The following MAP2 variants were observed in gnomAD, a reference collection of about 807,000 sequenced individuals.
MAP2 encodes microtubule-associated protein 2.
Under a neutral mutation model 137.6 loss-of-function variants are expected in MAP2, and 14 were observed. The ratio of observed to expected loss-of-function variants is 0.10; its 90% CI spans 0.07 to 0.16. The LOEUF is 0.16. Ranked by LOEUF, MAP2 falls within the 10% of genes least tolerant of loss-of-function variation. The pLI, the probability that MAP2 is intolerant of heterozygous loss-of-function variation, is 1.00. For synonymous variants in MAP2, 786 were observed against 782.3 expected, an observed-to-expected ratio of 1.00 and a Z score of -0.08; for missense variants, 2,088 against 2,191.5, an observed-to-expected ratio of 0.95 and a Z score of 0.94.
intron 5 of MAP2, among the ~76,000 whole-genome samples, chr2:209,665,816 C>T (rs1291991032): frequency 1.2e-4 from 18 of 152,020 alleles, no homozygotes. Flanking sequence ...TTTTAGTTTT[C>T]ATTTTTCACT....
intron 3 of MAP2, among the ~76,000 whole-genome samples, chr2:209,582,099 G>A (rs555574686): frequency 2.0e-5 from 3 of 151,848 alleles, no homozygotes; most frequent in Non-Finnish European, 2.9e-5. Flanking sequence ...ATAGTATAGT[G>A]CCTGGGTCAC....
intron 5 of MAP2, among the ~76,000 whole-genome samples, chr2:209,667,688 G>A: frequency 6.6e-6 from 1 of 151,780 alleles, no homozygotes; most frequent in Non-Finnish European, 1.5e-5. Context: ...GCCTTTTAAT[G>A]AAATCTGATT....
At chr2:209,521,331 T>C (rs2063250873) in intron 2 of MAP2, among the ~76,000 whole-genome samples, 1 of 152,134 alleles carries the variant, frequency 6.6e-6, no homozygotes, top group East Asian at 1.9e-4. Context: ...TGATTTGACC[T>C]CATTTATTAA....
chr2:209,481,445 G>C (rs1310834882), intron 1 of MAP2, among the ~76,000 whole-genome samples: 1 of 152,142 alleles, frequency 6.6e-6, no homozygotes, highest in Non-Finnish European at 1.5e-5. Flanking sequence ...CATTGATGGG[G>C]GACTGGGCGG....
At chr2:209,662,590 G>GT (rs1461620504) in intron 5 of MAP2, among the ~76,000 whole-genome samples, 1 of 151,892 alleles carries the variant, frequency 6.6e-6, no homozygotes, top group Non-Finnish European at 1.5e-5. Flanking sequence ...ATGCTGTCAT[G>GT]TTTTGTCATC....
At chr2:209,586,907 T>C (rs143633945) in intron 3 of MAP2, among the ~76,000 whole-genome samples, 7 of 152,328 alleles carry the variant, frequency 4.6e-5, no homozygotes, top group Non-Finnish European at 1.5e-5. Flanking sequence ...CAACATAGCA[T>C]ACTTTTAAAC....
intron 5 of MAP2, chr2:209,661,601 TTTCC>T (rs1356534328): frequency 1.0e-6 from 1 of 985,294 alleles, no homozygotes; most frequent in Non-Finnish European, 1.2e-6. Context: ...TTTTCAGTGT[TTTCC>T]TTCTAAAGGT....
intron 3 of MAP2, among the ~76,000 whole-genome samples, chr2:209,589,378 T>C (rs958193119): frequency 1.6e-4 from 25 of 152,208 alleles, no homozygotes; most frequent in South Asian, 6.2e-4. Flanking sequence ...CATATCCTTG[T>C]TCTGACTCCA....
At chr2:209,591,036 T>G (rs991097071) in intron 3 of MAP2, among the ~76,000 whole-genome samples, 2 of 152,202 alleles carry the variant, frequency 1.3e-5, no homozygotes, top group African/African-American at 4.8e-5. Context: ...GGTTTCTTTG[T>G]TTTTTGTTTG....
chr2:209,618,821 A>G (rs2090312883), intron 3 of MAP2, among the ~76,000 whole-genome samples: 2 of 152,318 alleles, frequency 1.3e-5, no homozygotes, highest in South Asian at 2.1e-4. Context: ...TCAAAGAGAT[A>G]TCTACACTCC....
intron 1 of MAP2, among the ~76,000 whole-genome samples, chr2:209,474,488 G>A (rs1575653046): frequency 6.6e-6 from 1 of 151,986 alleles, no homozygotes; most frequent in African/African-American, 2.4e-5. Flanking sequence ...TCTCAATGCT[G>A]GTTTCTGACA....
intron 1 of MAP2, among the ~76,000 whole-genome samples, chr2:209,490,713 C>T (rs182855357): frequency 5.4e-5 from 8 of 148,534 alleles, no homozygotes; most frequent in East Asian, 4.0e-4. Context: ...AAGGACATTA[C>T]GTAATGGTAA....
rs370144355 is a variant in MAP2 at position 209,598,045 on chromosome 2, G to A, written c.-107+17945G>A. On this transcript the variant is annotated intron_variant, in intron 3 of 15. Transcript: ENST00000682079. Reference sequence around the variant, plus strand: ...TTTTGAGACTGAGTCTTGCTCTGTCGCCCAGTCTGGAGTGTAGTGGCGCAA... The same window carrying A: ...TTTTGAGACTGAGTCTTGCTCTGTCACCCAGTCTGGAGTGTAGTGGCGCAA... Among the ~76,000 whole-genome samples, 943 of 151,460 alleles carry A rather than the reference G, an allele frequency of 6.2e-3. 7 individuals are homozygous for A. The highest frequency in any genetic ancestry group is 0.01 in the Middle Eastern group (3 of 294).
Position 209,695,200 on chromosome 2 carries a change from A to G in MAP2, c.3030A>G (p.Ala1010=), listed in dbSNP as rs1029073416. Residue 1010 remains alanine (A), a synonymous_variant, in exon 8 of 16, where the codon GCA becomes GCG. Transcript: ENST00000682079. ...LAKDLSIPTD[A]SSEKAEKGLS... ...AAGATTTGTCAATACCAACAGATGC[A>G]TCCTCTGAGAAAGCAGAGAAGGGTC... 5 of 1,614,084 alleles carry G rather than the reference A, an allele frequency of 3.1e-6. No homozygotes were observed. The African/African-American group carries it at 5.3e-5, about 17-fold the overall frequency.
At position 209,692,622 on chromosome 2, in the gene MAP2, C is replaced by T; in HGVS notation, c.455-3C>T. 1 of 1,559,930 alleles carries T rather than the reference C, an allele frequency of 6.4e-7. No individual in the cohort carries two copies. Among genetic ancestry groups the T allele is most frequent in the South Asian group, 1.2e-5 (1 of 81,860 alleles). ...TGTTTAAAAATCAACCCGATTACTT[C>T]AGATTTACTTACAGCCTCGAAGATG... is the stretch of plus-strand genomic sequence containing the variant. On this transcript the variant is annotated splice_region_variant and splice_polypyrimidine_tract_variant and intron_variant, in intron 7 of 15. Coordinates refer to ENST00000682079, the MANE Select transcript of MAP2 (RefSeq NM_001375505.1).
At chr2:209,728,207 G>T (rs1464765939) in intron 14 of MAP2, among the ~76,000 whole-genome samples, 2 of 152,112 alleles carry the variant, frequency 1.3e-5, no homozygotes, top group African/African-American at 4.8e-5. Flanking sequence ...AAAAGTAAAT[G>T]ATTTCTATCA....
intron 1 of MAP2, among the ~76,000 whole-genome samples, chr2:209,463,263 A>C (rs943638375): frequency 2.6e-5 from 4 of 152,156 alleles, no homozygotes; most frequent in Admixed American, 1.3e-4. Context: ...ATGGTCTTTT[A>C]AAATTTGTTC....
chr2:209,571,076 AT>A (rs2074315519), intron 2 of MAP2, among the ~76,000 whole-genome samples: 1 of 151,918 alleles, frequency 6.6e-6, no homozygotes, highest in Non-Finnish European at 1.5e-5. Flanking sequence ...TGCCCTTACA[AT>A]TTGTTTATTT....
At chr2:209,592,211 A>G (rs2079447621) in intron 3 of MAP2, among the ~76,000 whole-genome samples, 2 of 152,170 alleles carry the variant, frequency 1.3e-5, no homozygotes, top group Non-Finnish European at 2.9e-5. Flanking sequence ...TTACATACAC[A>G]GTTTCTGTCG....
Sources: gnomAD v4.1 joint callset for allele counts (sites outside exome capture counted in the v4.1 genomes callset) on GRCh38, gnomAD v4.1.1 for gene constraint, MANE v1.5 for transcripts, NCBI Gene and HGNC (gene_info 2026-07-23, HGNC 2026-07-21) for gene names.